The following SCAMP3 variants were observed in gnomAD, a reference collection of about 807,000 sequenced individuals.
The protein encoded by SCAMP3 is secretory carrier membrane protein 3, also known as secretory carrier-associated membrane protein 3.
A neutral mutation model predicts 44.1 loss-of-function variants in SCAMP3; 30 were observed. The ratio of observed to expected loss-of-function variants is 0.68; its 90% CI spans 0.51 to 0.92. The LOEUF (loss-of-function observed/expected upper bound fraction) is 0.92. Among genes scored for constraint, SCAMP3 ranks in the 40% least tolerant of loss-of-function variants. The pLI is 0.00. For missense variants in SCAMP3, 394 were observed against 440.0 expected, an observed-to-expected ratio of 0.90 and a Z score of 0.93; for synonymous variants, 168 against 171.1, an observed-to-expected ratio of 0.98 and a Z score of 0.14.
intron 4 of SCAMP3, 89 bp from the exon 5 acceptor site, chr1:155,259,043 T>A: frequency 1.1e-4 from 71 of 672,896 alleles, no homozygotes; most frequent in Non-Finnish European, 1.5e-4. Flanking sequence ...CCCTGGATCC[T>A]CTCTTTTTTT....
rs1381022351 is a variant in SCAMP3, at chr1:155,256,090, T to C, written c.*183A>G. 6.0e-6 allele frequency: 3 copies of C among 497,382 alleles called. No homozygotes were observed. In the East Asian group the frequency reaches 1.0e-4, roughly 17 times the overall value. The allele number at this position is 497,382 out of a possible 1,614,324, so 30.8% of individuals were successfully genotyped here. ...GAGAGGTGGCAGCAGTGTGGCCTGA[T>C]GGGGGGACTAGGTCACAGTGAACTC... On this transcript the variant is annotated 3_prime_UTR_variant, in exon 9 of 9. Coordinates refer to ENST00000302631, the MANE Select transcript of SCAMP3 (RefSeq NM_005698.4).
At chr1:155,256,633 T>C (rs1219218880) in intron 8 of SCAMP3, 41 bp downstream of exon 8, 2 of 1,560,352 alleles carry the variant, frequency 1.3e-6, no homozygotes, top group African/African-American at 1.4e-5. Flanking sequence ...TGGGGACCCA[T>C]GATCTCACCA....
chr1:155,257,397 GA>G lies in SCAMP3; in HGVS notation c.678-12del, dbSNP rs750746649. On this transcript the variant is annotated splice_polypyrimidine_tract_variant and intron_variant, in intron 6 of 8. Coordinates refer to ENST00000302631, the MANE Select transcript of SCAMP3 (RefSeq NM_005698.4). ...AATGAACTGTCACTCCTACAAAGAG[GA>G]AAAAAATGGGGAGGGTGGGAGAAGA... 6.2e-7 allele frequency: 1 copy of G among 1,609,938 alleles called. No homozygotes were observed. The highest frequency in any genetic ancestry group is 1.1e-5 in the South Asian group (1 of 90,632).
chr1:155,261,904 C>G, intron 1 of SCAMP3, 170 bp from the exon 2 acceptor site: 8 of 803,058 alleles, frequency 1.0e-5, no homozygotes, highest in Non-Finnish European at 1.6e-5. Flanking sequence ...ACTGCCAGCA[C>G]CAGCCCATTA....
chr1:155,262,003 A>G (rs1672978723), intron 1 of SCAMP3, 83 bp downstream of exon 1: 1 of 1,362,898 alleles, frequency 7.3e-7, no homozygotes, highest in Admixed American at 1.8e-5. Flanking sequence ...AATGTCACAA[A>G]TGGGGATACA....
chr1:155,262,135 T>G lies in SCAMP3; in HGVS notation c.17A>C (p.Asp6Ala). 6.2e-7 allele frequency: 1 copy of G among 1,613,920 alleles called. No homozygotes were observed. The part of the protein sequence containing the change: MAQSR[D>A]GGNPFAEPSE... ...GGGCTCGGCGAACGGGTTTCCGCCG[T>G]CTCTGCTCTGAGCCATGTTTGCAAC... Residue 6 changes from aspartate to alanine, a missense_variant, in exon 1 of 9, where the codon GAC (aspartate) becomes GCC (alanine). Physicochemically the swap from Asp to Ala is moderately radical, Grantham distance 126. Transcript: ENST00000302631.
chr1:155,257,553 G>C lies in SCAMP3; in HGVS notation c.622C>G (p.Leu208Val). Residue 208 changes from leucine (L) to valine (V), a missense_variant, in exon 6 of 9, where the codon CTT becomes GTT. By Grantham distance (32) the Leu-to-Val change is conservative. Coordinates refer to ENST00000302631, the MANE Select transcript of SCAMP3 (RefSeq NM_005698.4). ...CAGACAAAGGAGCAGGGAGTGAAAAGGAGGACCCAGAGGATAGAAAGCCCA... is the reference window on the plus strand; with the variant it reads ...CAGACAAAGGAGCAGGGAGTGAAAACGAGGACCCAGAGGATAGAAAGCCCA... ...GFGLSILWVL[L>V]FTPCSFVCWY... is the part of the protein sequence containing the mutation. 3 of 1,610,736 alleles carry C rather than the reference G, an allele frequency of 1.9e-6. No individual in the cohort carries two copies. The South Asian group carries it at 3.3e-5, about 18-fold the overall frequency.
intron 4 of SCAMP3, 97 bp downstream of exon 4, chr1:155,260,233 T>G: frequency 1.4e-6 from 2 of 1,455,458 alleles, no homozygotes; most frequent in Non-Finnish European, 1.9e-6. Flanking sequence ...GCTGGGATTA[T>G]AGGTGTGAGC....
intron 3 of SCAMP3, 38 bp downstream of exon 3, chr1:155,260,499 G>T (rs199881280): frequency 1.0e-4 from 163 of 1,614,012 alleles, no homozygotes; most frequent in Non-Finnish European, 1.3e-4. Flanking sequence ...CCCAGGACTG[G>T]CCCTTCTCCC....
chr1:155,259,103 G>C (rs1672889538), intron 4 of SCAMP3, 149 bp from the exon 5 acceptor site: 2 of 646,004 alleles, frequency 3.1e-6, no homozygotes, highest in Non-Finnish European at 4.8e-6. Flanking sequence ...CTGGAAGGTA[G>C]TGGTATGATC....
intron 4 of SCAMP3, among the ~76,000 whole-genome samples, chr1:155,259,408 G>A (rs1672897070): frequency 1.3e-5 from 2 of 152,120 alleles, no homozygotes; most frequent in South Asian, 4.1e-4. Flanking sequence ...GACCTCAGGT[G>A]ATCCACCCGC....
Position 155,258,847 on chromosome 1 carries a change from T to C in SCAMP3, c.496A>G (p.Thr166Ala). 6.2e-7 allele frequency: 1 copy of C among 1,612,710 alleles called. No homozygotes were observed. Among genetic ancestry groups the C allele is most frequent in the South Asian group, 1.1e-5 (1 of 90,824 alleles). ...TCACACATCCAGAGGTAGTACATGG[T>C]GGATACAGTCTTCTGAAATTCTTGG... is the stretch of plus-strand genomic sequence containing the variant. ...IPQEFQKTVS[T>A]MYYLWMCSTL... The change falls in exon 5 of 9, where the codon ACC becomes GCC. Residue 166 changes from threonine to alanine, a missense_variant. Coordinates refer to ENST00000302631, the MANE Select transcript of SCAMP3 (RefSeq NM_005698.4).
intron 5 of SCAMP3, 137 bp downstream of exon 5, chr1:155,258,689 G>A: frequency 1.3e-6 from 1 of 758,318 alleles, no homozygotes; most frequent in Non-Finnish European, 2.2e-6. Flanking sequence ...AATAAAAAGT[G>A]GGGAGAGGGC....
chr1:155,260,737 C>T, intron 2 of SCAMP3, 78 bp from the exon 3 acceptor site: 1 of 1,290,814 alleles, frequency 7.7e-7, no homozygotes, highest in Non-Finnish European at 1.1e-6. Flanking sequence ...TACCTTTAGA[C>T]CCAGAACTCA....
At chr1:155,257,412 G>C (rs936284764) in intron 6 of SCAMP3, 26 bp from the exon 7 acceptor site, 7 of 1,607,962 alleles carry the variant, frequency 4.4e-6, no homozygotes, top group Non-Finnish European at 6.0e-6. Flanking sequence ...AAATGGGGAG[G>C]GTGGGAGAAG....
At chr1:155,259,526 T>C (rs1672900500) in intron 4 of SCAMP3, among the ~76,000 whole-genome samples, 1 of 152,168 alleles carries the variant, frequency 6.6e-6, no homozygotes, top group Admixed American at 6.5e-5. Context: ...CATGCCCTGC[T>C]AATTTTTTTC....
At chr1:155,257,723 G>T in intron 5 of SCAMP3, 66 bp from the exon 6 acceptor site, 1 of 1,431,486 alleles carries the variant, frequency 7.0e-7, no homozygotes, top group Non-Finnish European at 9.6e-7. Context: ...TCCCATCTAT[G>T]CTCATCCTAT....
intron 5 of SCAMP3, 70 bp downstream of exon 5, chr1:155,258,756 T>G: frequency 6.9e-7 from 1 of 1,443,936 alleles, no homozygotes; most frequent in Non-Finnish European, 9.4e-7. Flanking sequence ...GTTTGGTTCT[T>G]GGTGAGCGGA....
chr1:155,257,537 G>C lies in SCAMP3; in HGVS notation c.638C>G (p.Ser213Cys). Residue 213 changes from serine to cysteine, a missense_variant, in exon 6 of 9, where the codon TCC becomes TGC. Coordinates refer to ENST00000302631, the MANE Select transcript of SCAMP3 (RefSeq NM_005698.4). The stretch of plus-strand genomic sequence containing the variant: ...CATGGGGCGGTACCAGCAGACAAAG[G>C]AGCAGGGAGTGAAAAGGAGGACCCA... ...ILWVLLFTPC[S>C]FVCWYRPMYK... 2 of 1,612,308 alleles carry C rather than the reference G, an allele frequency of 1.2e-6. No individual in the cohort carries two copies. Among genetic ancestry groups the C allele is most frequent in the South Asian group, 2.2e-5 (2 of 90,716 alleles).
Sources: allele counts gnomAD v4.1 joint callset (sites outside exome capture counted in the v4.1 genomes callset), GRCh38; gene constraint gnomAD v4.1.1; transcripts MANE v1.5; gene names NCBI Gene and HGNC (gene_info 2026-07-23, HGNC 2026-07-21).